PHGDH: variants seen among roughly 807,000 people sequenced by gnomAD.
PHGDH encodes phosphoglycerate dehydrogenase.
Under a neutral mutation model 52.6 loss-of-function variants are expected in PHGDH, and 50 were observed. That is an observed-to-expected ratio of 0.95 (90% CI 0.76 to 1.20). PHGDH has a LOEUF of 1.20. Ranked by LOEUF, PHGDH falls within the 50% of genes most tolerant of loss-of-function variation. The pLI, the probability that PHGDH is intolerant of heterozygous loss-of-function variation, is 0.00. For missense variants in PHGDH, 630 were observed against 684.6 expected (o/e 0.92, Z 0.89); for synonymous variants, 271 against 280.5 (o/e 0.97, Z 0.34).
intron 5 of PHGDH, among the ~76,000 whole-genome samples, chr1:119,732,088 C>T (rs1402837723): frequency 6.6e-6 from 1 of 152,182 alleles, no homozygotes; most frequent in Non-Finnish European, 1.5e-5. Context: ...GGGAGAGTTC[C>T]AATGCTAAAC....
intron 8 of PHGDH, 160 bp from the exon 9 acceptor site, chr1:119,740,226 C>T: frequency 3.0e-6 from 2 of 676,052 alleles, no homozygotes; most frequent in South Asian, 3.4e-5. Flanking sequence ...AGTCCTTGTC[C>T]TGTTGTTAGT....
chr1:119,727,905 GT>G (rs1651518267), intron 5 of PHGDH, among the ~76,000 whole-genome samples: 1 of 152,176 alleles, frequency 6.6e-6, no homozygotes, highest in African/African-American at 2.4e-5. Context: ...CTTTATAGGA[GT>G]TTTACATGAT....
At chr1:119,721,572 C>T (rs1651167366) in intron 2 of PHGDH, 1 of 479,048 alleles carries the variant, frequency 2.1e-6, no homozygotes, top group Non-Finnish European at 3.7e-6. Context: ...AATTGAGAGT[C>T]CCTGCATAAT....
intron 7 of PHGDH, among the ~76,000 whole-genome samples, chr1:119,736,662 C>A (rs1256502140): frequency 6.6e-6 from 1 of 152,192 alleles, no homozygotes; most frequent in African/African-American, 2.4e-5. Flanking sequence ...TCCAGCAAGG[C>A]ACATCGACAG....
chr1:119,734,574 A>T (rs1651847904), intron 5 of PHGDH, 60 bp from the exon 6 acceptor site: 1 of 1,234,400 alleles, frequency 8.1e-7, no homozygotes, highest in Non-Finnish European at 1.1e-6. Context: ...GCCATTCTTA[A>T]TAATAACAAT....
chr1:119,726,962 T>C, intron 4 of PHGDH, 42 bp from the exon 5 acceptor site: 1 of 1,606,604 alleles, frequency 6.2e-7, no homozygotes, highest in South Asian at 1.1e-5. Context: ...TCCACTCATG[T>C]TGCTGACTTC....
chr1:119,737,198 A>G lies in PHGDH; in HGVS notation c.877A>G (p.Ser293Gly). ...HLGASTKEAQ[S>G]RCGEEIAVQF... ...GGGTGCCAGCACCAAGGAGGCTCAGAGCCGCTGTGGGGAGGAAATTGCTGT... is the reference window on the plus strand; with the variant it reads ...GGGTGCCAGCACCAAGGAGGCTCAGGGCCGCTGTGGGGAGGAAATTGCTGT... Residue 293 changes from serine (S) to glycine (G), a missense_variant, in exon 8 of 12, where the codon AGC becomes GGC. Physicochemically the swap from Ser to Gly is moderately conservative, Grantham distance 56. Transcript: ENST00000641023. 1.2e-6 allele frequency: 2 copies of G among 1,614,158 alleles called. No individual in the cohort carries two copies. The highest frequency in any genetic ancestry group is 1.1e-5 in the South Asian group (1 of 91,076).
chr1:119,736,929 T>C (rs1489397001), intron 7 of PHGDH, among the ~76,000 whole-genome samples, 185 bp from the exon 8 acceptor site: 1 of 152,266 alleles, frequency 6.6e-6, no homozygotes, highest in Non-Finnish European at 1.5e-5. Context: ...CTGTGTCCAC[T>C]CTGCTGAGAT....
In PHGDH at chr1:119,744,021, C is replaced by G; in HGVS notation, c.1583C>G (p.Ala528Gly). ...GCGTGGAAGCAGCATGTGACTGAAGCCTTCCAGTTCCACTTCTAACCTTGG... is the reference window on the plus strand; with the variant it reads ...GCGTGGAAGCAGCATGTGACTGAAGGCTTCCAGTTCCACTTCTAACCTTGG... ...LEAWKQHVTE[A>G]FQFHF is the part of the protein sequence containing the mutation. Residue 528 changes from alanine (A) to glycine (G), a missense_variant, in exon 12 of 12, where the codon GCC (alanine) becomes GGC (glycine). Coordinates refer to ENST00000641023, the MANE Select transcript of PHGDH (RefSeq NM_006623.4). 6.2e-7 allele frequency: 1 copy of G among 1,614,174 alleles called. No individual in the cohort carries two copies.
intron 3 of PHGDH, among the ~76,000 whole-genome samples, chr1:119,725,290 A>T (rs1203766979): frequency 3.9e-5 from 6 of 152,282 alleles, no homozygotes; most frequent in South Asian, 4.1e-4. Flanking sequence ...ATCAGCTGGG[A>T]GCAGCAGCCA....
intron 10 of PHGDH, 67 bp from the exon 11 acceptor site, chr1:119,742,740 G>C (rs937842231): frequency 2.1e-6 from 2 of 957,222 alleles, no homozygotes; most frequent in African/African-American, 3.2e-5. Context: ...GGGTGATTTG[G>C]CCAAGAGAGG....
At chr1:119,715,509 A>G (rs1053872133) in intron 1 of PHGDH, among the ~76,000 whole-genome samples, 2 of 152,236 alleles carry the variant, frequency 1.3e-5, no homozygotes, top group Non-Finnish European at 2.9e-5. Context: ...GCTGGGGAAC[A>G]TGACCTGGAT....
chr1:119,741,638 G>A, intron 9 of PHGDH, 129 bp from the exon 10 acceptor site: 1 of 836,250 alleles, frequency 1.2e-6, no homozygotes, highest in South Asian at 1.3e-5. Flanking sequence ...CCTGCCTGGA[G>A]CAAGCTGCCT....
At chr1:119,712,248 A>T (rs1291701224) in intron 1 of PHGDH, 88 bp downstream of exon 1, 1 of 1,178,706 alleles carries the variant, frequency 8.5e-7, no homozygotes, top group Non-Finnish European at 1.2e-6. Flanking sequence ...CCCCCCTCGC[A>T]TGCACCCCGT....
chr1:119,727,288 C>A, intron 5 of PHGDH, 186 bp downstream of exon 5: 1 of 628,662 alleles, frequency 1.6e-6, no homozygotes, highest in East Asian at 2.8e-5. Context: ...GACTCAAAAG[C>A]TGGAAATACT....
intron 1 of PHGDH, chr1:119,712,568 G>A: frequency 3.8e-6 from 1 of 266,660 alleles, no homozygotes; most frequent in Non-Finnish European, 7.4e-6. Flanking sequence ...GGGCGATCGG[G>A]AGAGGGGCCC....
At chr1:119,741,647 C>G (rs761760174) in intron 9 of PHGDH, 120 bp from the exon 10 acceptor site, 4 of 918,524 alleles carry the variant, frequency 4.4e-6, no homozygotes, top group Non-Finnish European at 7.2e-6. Context: ...AGCAAGCTGC[C>G]TTTGGGGTCC....
intron 6 of PHGDH, 189 bp from the exon 7 acceptor site, chr1:119,735,106 G>C: frequency 2.7e-6 from 2 of 753,548 alleles, no homozygotes; most frequent in South Asian, 3.1e-5. Flanking sequence ...GTCTGGCCCA[G>C]ATCCATAACA....
At position 119,716,856 on chromosome 1, in the gene PHGDH, A is replaced by G. The variant is rs587645554; in HGVS notation, c.139-4314A>G. ...TGCCCAGTTGCCCTCCAAAAAGGTC[A>G]TGCAGTGTACACTCCTGTTTCCCTC... On this transcript the variant is annotated intron_variant, in intron 1 of 11. Coordinates refer to ENST00000641023, the MANE Select transcript of PHGDH (RefSeq NM_006623.4). Among the ~76,000 whole-genome samples, 24 of 152,284 alleles carry G rather than the reference A, an allele frequency of 1.6e-4. 1 individual carries two copies. The South Asian group carries it at 4.8e-3, about 30-fold the overall frequency.
Sources: gnomAD v4.1 joint callset for allele counts (sites outside exome capture counted in the v4.1 genomes callset) on GRCh38, gnomAD v4.1.1 for gene constraint, MANE v1.5 for transcripts, NCBI Gene and HGNC (gene_info 2026-07-23, HGNC 2026-07-21) for gene names.